OTOG: variants seen among roughly 807,000 people sequenced by gnomAD.
The protein encoded by OTOG is otogelin.
In OTOG, 296 loss-of-function variants were observed where a neutral mutation model predicts 313.8. That is an observed-to-expected ratio of 0.94 (90% CI 0.86 to 1.04). The LOEUF is 1.04. Among genes scored for constraint, OTOG ranks in the 50% least tolerant of loss-of-function variants. The probability of loss-of-function intolerance (pLI) is 0.00; values close to 1 mark genes in which losing one functional copy is unlikely to be tolerated. For synonymous variants in OTOG, 1,533 were observed against 1,554.9 expected, an observed-to-expected ratio of 0.99 and a Z score of 0.33; for missense variants, 3,948 against 3,840.1, an observed-to-expected ratio of 1.03 and a Z score of -0.74.
At position 17,612,379 on chromosome 11, in the gene OTOG, C is replaced by G. The variant is rs1037609611; in HGVS notation, c.6292+49C>G. On this transcript the variant is annotated intron_variant, in intron 37 of 55. Transcript: ENST00000399397. The stretch of plus-strand genomic sequence containing the variant: ...CTCCTGCATCCTCCCTGTATCCTTA[C>G]CCCAGCATGACCGCCATCCCTGATC... 5.4e-6 allele frequency: 8 copies of G among 1,482,050 alleles called. No individual in the cohort carries two copies. The Admixed American group carries it at 1.7e-4, about 31-fold the overall frequency. 91.8% of individuals were successfully genotyped at this position (1,482,050 alleles called of 1,614,324 possible). A position where few individuals can be genotyped will look rare whatever the true frequency, so the allele number is the denominator to read the frequency against.
At position 17,610,105 on chromosome 11, in the gene OTOG, C is replaced by A. The variant is rs1439795603; in HGVS notation, c.4805C>A (p.Thr1602Lys). 12 of 1,550,484 alleles carry A rather than the reference C, an allele frequency of 7.7e-6. No homozygotes were observed. Among genetic ancestry groups the A allele is most frequent in the Non-Finnish European group, 1.0e-5 (12 of 1,146,976 alleles). Reference sequence around the variant, plus strand: ...ATCTTTGCAGGAAGCCCTAACATCACAGTCTCCTCCCGGTCGCCCCCTGCC... The same window carrying A: ...ATCTTTGCAGGAAGCCCTAACATCAAAGTCTCCTCCCGGTCGCCCCCTGCC... ...TVIFAGSPNI[T>K]VSSRSPPAPR... The change falls in exon 36 of 56, where the codon ACA becomes AAA. Residue 1602 changes from threonine (T) to lysine (K), a missense_variant. Thr to Lys is a moderately conservative substitution (Grantham distance 78, BLOSUM62 -1). Transcript: ENST00000399397.
chr11:17,607,280 A>T (rs1853412892), intron 33 of OTOG, among the ~76,000 whole-genome samples: 1 of 152,040 alleles, frequency 6.6e-6, no homozygotes, highest in African/African-American at 2.4e-5. Flanking sequence ...CCGGTGGGGG[A>T]TGCTCCCTGG....
chr11:17,598,937 G>A (rs1242935477), intron 30 of OTOG, among the ~76,000 whole-genome samples: 1 of 152,146 alleles, frequency 6.6e-6, no homozygotes, highest in Non-Finnish European at 1.5e-5. Context: ...GCAGTGAGTC[G>A]GTGGCTCTCT....
chr11:17,595,082 G>A (rs1179308566), intron 28 of OTOG, among the ~76,000 whole-genome samples: 1 of 152,200 alleles, frequency 6.6e-6, no homozygotes, highest in African/African-American at 2.4e-5. Flanking sequence ...ACGGAGATGA[G>A]CCTATGTAGA....
chr11:17,548,092 C>A, intron 2 of OTOG, 60 bp from the exon 3 acceptor site: 1 of 1,503,238 alleles, frequency 6.7e-7, no homozygotes, highest in Non-Finnish European at 8.9e-7. Context: ...GGCCAGGGGA[C>A]TGCGGGGAGG....
At chr11:17,560,558 A>G in intron 12 of OTOG, 151 bp from the exon 13 acceptor site, 1 of 639,526 alleles carries the variant, frequency 1.6e-6, no homozygotes, top group East Asian at 2.7e-5. Context: ...TTCTGGCCTG[A>G]GCCAAGGATT....
intron 20 of OTOG, 43 bp from the exon 21 acceptor site, chr11:17,576,513 C>G (rs1852529754): frequency 4.7e-6 from 7 of 1,490,906 alleles, no homozygotes; most frequent in Non-Finnish European, 6.4e-6. Context: ...TCTGCCCTAG[C>G]TCCTGAGCCT....
chr11:17,555,737 G>C (rs1011897695), intron 6 of OTOG, 42 bp from the exon 7 acceptor site: 228 of 1,495,060 alleles, frequency 1.5e-4, no homozygotes, highest in Non-Finnish European at 2.0e-4. Flanking sequence ...GGTCAGGCCT[G>C]TGGCAGGAGC....
At position 17,641,098 on chromosome 11, in the gene OTOG, T is replaced by G. The variant is rs1590062419; in HGVS notation, c.8190+7T>G. On this transcript the variant is annotated splice_region_variant and intron_variant, in intron 51 of 55. Transcript: ENST00000399397. ...TGACATCCACTGTGAGGCGGTAGGG[T>G]GCAGCCCAGGGCGGGGTGGGTGGGG... is the stretch of plus-strand genomic sequence containing the variant. 3 of 338,888 alleles carry G rather than the reference T, an allele frequency of 8.9e-6. No individual in the cohort carries two copies. In the East Asian group the frequency reaches 2.8e-4, roughly 31 times the overall value. 21.0% of individuals were successfully genotyped at this position (338,888 alleles called of 1,614,324 possible).
intron 3 of OTOG, among the ~76,000 whole-genome samples, chr11:17,551,665 G>C (rs1851934813): frequency 6.6e-6 from 1 of 152,090 alleles, no homozygotes; most frequent in South Asian, 2.1e-4. Context: ...AGGACATAAG[G>C]GTTTACTGGG....
intron 15 of OTOG, among the ~76,000 whole-genome samples, chr11:17,567,554 A>G (rs2134018769): frequency 6.6e-6 from 1 of 152,332 alleles, no homozygotes; most frequent in East Asian, 1.9e-4. Context: ...TATGTTGAGC[A>G]GGCTGGTCTT....
intron 14 of OTOG, 75 bp downstream of exon 14, chr11:17,561,212 G>T (rs898405727): frequency 1.3e-6 from 2 of 1,506,538 alleles, no homozygotes; most frequent in African/African-American, 2.8e-5. Flanking sequence ...AATCTCTGGG[G>T]GCCAGGCTTG....
rs763836885 is a variant in OTOG, at chr11:17,557,148, G to A, written c.690G>A (p.Ala230=). The stretch of plus-strand genomic sequence containing the variant: ...AACTGCCACATGTCATGGGGAGCGC[G>A]CGTCTGCAGCAGCTTGCCGGCTATG... The part of the protein sequence containing the change: ...RVQLPHVMGS[A]RLQQLAGYVI... Residue 230 remains alanine, a synonymous_variant, in exon 8 of 56, where the codon GCG becomes GCA. Coordinates refer to ENST00000399397, the MANE Select transcript of OTOG (RefSeq NM_001292063.2). The A allele has an allele frequency of 5.9e-5, 92 of 1,550,374 alleles. 1 individual carries two copies. Among genetic ancestry groups the A allele is most frequent in the South Asian group, 3.6e-4 (30 of 84,064 alleles).
intron 22 of OTOG, 27 bp downstream of exon 22, chr11:17,576,938 C>A: frequency 6.5e-7 from 1 of 1,546,528 alleles, no homozygotes; most frequent in Non-Finnish European, 8.7e-7. Context: ...GGGTGGAGCC[C>A]TTCTGGGGGC....
chr11:17,635,103 G>C lies in OTOG; in HGVS notation c.7609G>C (p.Ala2537Pro). ...SCECDPDLCEAELVPSCRQDQ... is the reference protein window; with the variant it reads ...SCECDPDLCEPELVPSCRQDQ... ...AGAGTGTGACCCAGATCTCTGTGAG[G>C]CAGAGCTGGTCCCCAGCTGCCGACA... is the stretch of plus-strand genomic sequence containing the variant. The change falls in exon 46 of 56, where the codon GCA becomes CCA. Residue 2537 changes from alanine (A) to proline (P), a missense_variant. By Grantham distance (27) the Ala-to-Pro change is conservative (BLOSUM62 -1). Transcript: ENST00000399397. The C allele has an allele frequency of 6.5e-7, 1 of 1,549,296 alleles. No individual in the cohort carries two copies. The highest frequency in any genetic ancestry group is 2.0e-5 in the Admixed American group (1 of 50,966).
At chr11:17,612,831 G>A (rs1853596083) in intron 38 of OTOG, 66 bp downstream of exon 38, 3 of 1,487,210 alleles carry the variant, frequency 2.0e-6, no homozygotes, top group South Asian at 1.3e-5. Context: ...AGGGGAGACG[G>A]AGCAGTGAGC....
chr11:17,579,061 C>T (rs189079360), intron 23 of OTOG, among the ~76,000 whole-genome samples: 55 of 152,356 alleles, frequency 3.6e-4, no homozygotes, highest in Non-Finnish European at 7.3e-4. Flanking sequence ...GTGAGTCAGG[C>T]TCTGTGGGCA....
intron 32 of OTOG, 120 bp from the exon 33 acceptor site, chr11:17,605,737 C>A: frequency 1.8e-6 from 2 of 1,134,208 alleles, no homozygotes; most frequent in African/African-American, 1.6e-5. Flanking sequence ...GCAGGGCCTG[C>A]TGGTCTGCAG....
intron 39 of OTOG, among the ~76,000 whole-genome samples, chr11:17,619,563 T>C (rs1435866137): frequency 6.6e-6 from 1 of 152,184 alleles, no homozygotes; most frequent in East Asian, 1.9e-4. Context: ...TTTTTTCTCC[T>C]TCAGTGGTTG....
Sources: allele counts gnomAD v4.1 joint callset (sites outside exome capture counted in the v4.1 genomes callset), GRCh38; gene constraint gnomAD v4.1.1; transcripts MANE v1.5; gene names NCBI Gene and HGNC (gene_info 2026-07-23, HGNC 2026-07-21).